The following PPM1H variants were observed in gnomAD, a reference collection of about 807,000 sequenced individuals.
PPM1H encodes protein phosphatase, Mg2+/Mn2+ dependent 1H.
Under a neutral mutation model 54.9 loss-of-function variants are expected in PPM1H, and 27 were observed. That is an observed-to-expected ratio of 0.49 (90% CI 0.36 to 0.68). The LOEUF (loss-of-function observed/expected upper bound fraction) is 0.68, where lower values mean the gene tolerates loss of function less well. PPM1H is among the 30% of genes least tolerant of loss of function. The pLI is 0.00. For missense variants in PPM1H, 596 were observed against 667.8 expected, an observed-to-expected ratio of 0.89 and a Z score of 1.19; for synonymous variants, 305 against 270.8, an observed-to-expected ratio of 1.13 and a Z score of -1.24.
chr12:62,674,859 T>TC (rs2075977046), intron 8 of PPM1H, among the ~76,000 whole-genome samples: 1 of 152,142 alleles, frequency 6.6e-6, no homozygotes, highest in African/African-American at 2.4e-5. Context: ...GTACTGGATG[T>TC]CCCCTGGGGA....
At chr12:62,923,214 G>A (rs923119646) in intron 1 of PPM1H, among the ~76,000 whole-genome samples, 22 of 152,064 alleles carry the variant, frequency 1.4e-4, no homozygotes, top group African/African-American at 5.1e-4. Flanking sequence ...CTGCACTAAA[G>A]GAAAAACAAG....
chr12:62,669,121 A>G (rs2075938860), intron 8 of PPM1H, among the ~76,000 whole-genome samples: 1 of 152,252 alleles, frequency 6.6e-6, no homozygotes, highest in African/African-American at 2.4e-5. Flanking sequence ...AGGCATGCTC[A>G]CTTAAGGCTA....
intron 1 of PPM1H, among the ~76,000 whole-genome samples, chr12:62,869,265 A>G (rs1869894252): frequency 6.6e-6 from 1 of 151,964 alleles, no homozygotes; most frequent in South Asian, 2.1e-4. Flanking sequence ...ATGTTTTAGT[A>G]CTCTTATTAA....
At chr12:62,846,126 C>T (rs1380498687) in intron 1 of PPM1H, among the ~76,000 whole-genome samples, 2 of 152,190 alleles carry the variant, frequency 1.3e-5, no homozygotes, top group African/African-American at 4.8e-5. Flanking sequence ...CCGGACTGAC[C>T]TTTCTCAACC....
intron 1 of PPM1H, among the ~76,000 whole-genome samples, chr12:62,889,899 G>T (rs1221176346): frequency 6.6e-6 from 1 of 152,168 alleles, no homozygotes; most frequent in African/African-American, 2.4e-5. Context: ...TCAAAGGTAC[G>T]ATCTCTGAAA....
chr12:62,880,867 C>T (rs1870368244), intron 1 of PPM1H, among the ~76,000 whole-genome samples: 1 of 152,270 alleles, frequency 6.6e-6, no homozygotes, highest in South Asian at 2.1e-4. Context: ...GTTCTAACTA[C>T]CATGCATATG....
At chr12:62,841,735 T>C (rs1023988882) in intron 1 of PPM1H, among the ~76,000 whole-genome samples, 13 of 152,230 alleles carry the variant, frequency 8.5e-5, no homozygotes, top group African/African-American at 2.9e-4. Context: ...GGATACACTT[T>C]GCTTTACCAT....
chr12:62,893,590 G>A (rs1299269832), intron 1 of PPM1H, among the ~76,000 whole-genome samples: 2 of 151,982 alleles, frequency 1.3e-5, no homozygotes. Flanking sequence ...CCAGGTAGCT[G>A]GGACTACAGA....
chr12:62,905,352 T>C (rs73318274), intron 1 of PPM1H, among the ~76,000 whole-genome samples: 3,677 of 152,216 alleles, frequency 0.024, 167 homozygotes, highest in African/African-American at 0.084. Flanking sequence ...AGTAGGAAGA[T>C]AGAAGATGTT....
At chr12:62,706,385 C>T (rs999452363) in intron 6 of PPM1H, among the ~76,000 whole-genome samples, 2 of 152,206 alleles carry the variant, frequency 1.3e-5, no homozygotes, top group Admixed American at 6.5e-5. Context: ...GGGAGGAATA[C>T]CACACTCTTA....
intron 1 of PPM1H, among the ~76,000 whole-genome samples, chr12:62,916,272 T>C (rs997391561): frequency 6.6e-6 from 1 of 152,252 alleles, no homozygotes; most frequent in Non-Finnish European, 1.5e-5. Flanking sequence ...TAAGTTTTAC[T>C]TGTAACTAAT....
intron 6 of PPM1H, among the ~76,000 whole-genome samples, chr12:62,705,840 C>T (rs2120403243): frequency 6.6e-6 from 1 of 152,270 alleles, no homozygotes; most frequent in South Asian, 2.1e-4. Flanking sequence ...GAGATCAAGT[C>T]AATATATACA....
At chr12:62,872,629 G>T (rs970661784) in intron 1 of PPM1H, among the ~76,000 whole-genome samples, 1 of 152,132 alleles carries the variant, frequency 6.6e-6, no homozygotes, top group Non-Finnish European at 1.5e-5. Context: ...AATTATATTT[G>T]CATATGTTTT....
Position 62,703,975 on chromosome 12 carries a change from C to CGTGTGTGT in PPM1H, c.1074-9984_1074-9977dup, listed in dbSNP as rs4026211. Among the ~76,000 whole-genome samples, 1,442 of 146,622 alleles carry CGTGTGTGT rather than the reference C, an allele frequency of 9.8e-3. 18 individuals carry two copies. The highest frequency in any genetic ancestry group is 0.022 in the Admixed American group (330 of 14,766). On this transcript the variant is annotated intron_variant, in intron 6 of 9. Coordinates refer to ENST00000228705, the MANE Select transcript of PPM1H (RefSeq NM_020700.2). ...CTCACTACATGAAAGAGAGAGAAAGCGTGTGTGTGTGTGTGTGTGTGTGTG... is the reference window on the plus strand; with the variant it reads ...CTCACTACATGAAAGAGAGAGAAAGCGTGTGTGTGTGTGTGTGTGTGTGTGTGTGTGTG...
At chr12:62,778,792 A>G (rs997279721) in intron 4 of PPM1H, among the ~76,000 whole-genome samples, 1 of 152,060 alleles carries the variant, frequency 6.6e-6, no homozygotes, top group Non-Finnish European at 1.5e-5. Flanking sequence ...TTAGCTTGGC[A>G]TGGTGGCACG....
chr12:62,722,198 A>G (rs1263248413), intron 5 of PPM1H, among the ~76,000 whole-genome samples: 1 of 152,172 alleles, frequency 6.6e-6, no homozygotes, highest in Non-Finnish European at 1.5e-5. Context: ...TAAGTGGTCA[A>G]CGGACAGCAC....
Position 62,910,168 on chromosome 12 carries a change from C to T in PPM1H, c.245+24324G>A, listed in dbSNP as rs564957729. Reference sequence around the variant, plus strand: ...ACATGACAGCAGGTTGGAGAAAATGCAAAAGAATGAGTGTGGATGGAGCAC... The same window carrying T: ...ACATGACAGCAGGTTGGAGAAAATGTAAAAGAATGAGTGTGGATGGAGCAC... On this transcript the variant is annotated intron_variant, in intron 1 of 9. Transcript: ENST00000228705. Among the ~76,000 whole-genome samples the T allele has an allele frequency of 3.3e-5, 5 of 152,106 alleles. No individual in the cohort carries two copies. The East Asian group carries it at 7.7e-4, about 24-fold the overall frequency.
At chr12:62,898,284 A>G (rs1871057814) in intron 1 of PPM1H, among the ~76,000 whole-genome samples, 1 of 152,158 alleles carries the variant, frequency 6.6e-6, no homozygotes, top group Non-Finnish European at 1.5e-5. Flanking sequence ...TTATCAAGGC[A>G]ATAAGTTTTT....
At chr12:62,810,666 G>A (rs11174659) in intron 2 of PPM1H, among the ~76,000 whole-genome samples, 10,005 of 152,234 alleles carry the variant, frequency 0.066, 445 homozygotes, top group Middle Eastern at 0.12. Flanking sequence ...ATTTACTTAC[G>A]CATTCTCAAA....
Sources: allele counts gnomAD v4.1 joint callset (sites outside exome capture counted in the v4.1 genomes callset), GRCh38; gene constraint gnomAD v4.1.1; transcripts MANE v1.5; gene names NCBI Gene and HGNC (gene_info 2026-07-23, HGNC 2026-07-21).